Variants in SETD7 observed in about 807,000 individuals in gnomAD.
SETD7 encodes the protein histone-lysine N-methyltransferase SETD7.
In SETD7, 16 loss-of-function variants were observed where a neutral mutation model predicts 41.8. That is an observed-to-expected ratio of 0.38 (90% CI 0.26 to 0.58). The LOEUF (loss-of-function observed/expected upper bound fraction) is 0.58. SETD7 is among the 20% of genes least tolerant of loss of function. SETD7 has a pLI of 0.64. For synonymous variants in SETD7, 163 were observed against 169.7 expected (o/e 0.96, Z 0.31); for missense variants, 346 against 459.7 (o/e 0.75, Z 2.26).
intron 7 of SETD7, among the ~76,000 whole-genome samples, chr4:139,514,688 C>T (rs760819504): frequency 6.6e-6 from 1 of 152,128 alleles, no homozygotes; most frequent in Non-Finnish European, 1.5e-5. Context: ...AGCACCAGCC[C>T]GTAGTGAGTG....
intron 4 of SETD7, among the ~76,000 whole-genome samples, chr4:139,525,853 C>T (rs1263844600): frequency 6.6e-6 from 1 of 152,146 alleles, no homozygotes; most frequent in African/African-American, 2.4e-5. Context: ...GACTAAAGAT[C>T]GGTCTATAGG....
rs1013500589 is a variant in SETD7, at chr4:139,555,864, C to T, written c.40+234G>A. Among the ~76,000 whole-genome samples the T allele has an allele frequency of 1.3e-5, 2 of 152,046 alleles. No homozygotes were observed. The highest frequency in any genetic ancestry group is 2.9e-5 in the Non-Finnish European group (2 of 67,950). On this transcript the variant is annotated intron_variant, in intron 1 of 7. Transcript: ENST00000274031. This position sits in a 1 kb window ranked among gnomAD's most constrained non-coding sequence, Gnocchi z 4.0. ...GCGGGATGGAGCGGCCGTGCGTTTC[C>T]AGCGCCCCCGGCCTGGCGGAGCCCC...
At chr4:139,532,883 A>C (rs1727526092) in intron 3 of SETD7, 1 of 517,044 alleles carries the variant, frequency 1.9e-6, no homozygotes, top group African/African-American at 1.9e-5. Context: ...TGCCTTTATT[A>C]GTGATACAAT....
At chr4:139,503,301 G>C (rs1726625160), downstream of SETD7, among the ~76,000 whole-genome samples, 1 of 151,582 alleles carries the variant, frequency 6.6e-6, no homozygotes, top group African/African-American at 2.4e-5. Context: ...GGGAAAGGAA[G>C]ACACAGGATA....
intron 4 of SETD7, 120 bp from the exon 5 acceptor site, chr4:139,523,555 C>T (rs113409314): frequency 6.5e-6 from 4 of 614,090 alleles, no homozygotes; most frequent in Non-Finnish European, 1.2e-5. Context: ...TCAAGTTATA[C>T]CAACTAGAAT....
In SETD7 at chr4:139,542,068, C is replaced by T. The variant is rs566294318; in HGVS notation, c.170+4852G>A. Among the ~76,000 whole-genome samples the T allele has an allele frequency of 1.2e-4, 19 of 152,212 alleles. No individual in the cohort carries two copies. The East Asian group carries it at 2.7e-3, about 22-fold the overall frequency. On this transcript the variant is annotated intron_variant, in intron 2 of 7. Transcript: ENST00000274031. The stretch of plus-strand genomic sequence containing the variant: ...TATACTATTCAGCATAAAAACAAAA[C>T]GAAATCCTGTCATTTGTGACAATAT...
At chr4:139,515,242 T>C (rs1726995425) in intron 7 of SETD7, among the ~76,000 whole-genome samples, 1 of 151,982 alleles carries the variant, frequency 6.6e-6, no homozygotes, top group African/African-American at 2.4e-5. Context: ...CATAAATTGG[T>C]ATCTGAATTT....
intron 7 of SETD7, among the ~76,000 whole-genome samples, chr4:139,514,571 G>A (rs1234061146): frequency 6.6e-6 from 1 of 152,192 alleles, no homozygotes; most frequent in Non-Finnish European, 1.5e-5. Flanking sequence ...TAACTGCTCT[G>A]CCTTGGAGAC....
chr4:139,531,871 ATCTGAGG>A (rs1727490176), intron 3 of SETD7, among the ~76,000 whole-genome samples: 1 of 152,178 alleles, frequency 6.6e-6, no homozygotes, highest in Non-Finnish European at 1.5e-5. Flanking sequence ...CAAGGAAATC[ATCTGAGG>A]TCGGGAGTTT....
At chr4:139,526,671 T>C (rs1162629231) in intron 4 of SETD7, among the ~76,000 whole-genome samples, 1 of 152,174 alleles carries the variant, frequency 6.6e-6, no homozygotes, top group Non-Finnish European at 1.5e-5. Flanking sequence ...CATTTGGTAA[T>C]GAGGAAACAG....
intron 7 of SETD7, among the ~76,000 whole-genome samples, chr4:139,515,365 C>A (rs1726998262): frequency 6.6e-6 from 1 of 152,180 alleles, no homozygotes; most frequent in African/African-American, 2.4e-5. Context: ...AAATGAAAAC[C>A]TGCAGAGTAC....
At chr4:139,516,465 C>CAAA (rs66848307) in intron 7 of SETD7, among the ~76,000 whole-genome samples, 3 of 93,038 alleles carry the variant, frequency 3.2e-5, no homozygotes, top group African/African-American at 8.8e-5. Flanking sequence ...GACTCTGTCT[C>CAAA]AAAAAAAAAA....
intron 4 of SETD7, 81 bp from the exon 5 acceptor site, chr4:139,523,516 A>G: frequency 1.9e-6 from 2 of 1,044,396 alleles, no homozygotes; most frequent in South Asian, 3.2e-5. Context: ...TCATGGGACA[A>G]CGAAGAGTTA....
At chr4:139,522,537 T>A (rs1727204771) in intron 5 of SETD7, among the ~76,000 whole-genome samples, 1 of 152,146 alleles carries the variant, frequency 6.6e-6, no homozygotes, top group Admixed American at 6.5e-5. Flanking sequence ...TTCACTCTTG[T>A]CTTCTGTTTG....
chr4:139,519,039 C>A (rs188560894), intron 6 of SETD7, among the ~76,000 whole-genome samples: 3 of 152,186 alleles, frequency 2.0e-5, no homozygotes, highest in Non-Finnish European at 4.4e-5. Flanking sequence ...GTTTACTAAG[C>A]GGTACCATGT....
chr4:139,496,190 G>T (rs1241787830), exon 8 of SETD7: 1 of 492,686 alleles, frequency 2.0e-6, no homozygotes, highest in African/African-American at 2.0e-5. Context: ...TCCCCCCTCT[G>T]GTGACTTTAT....
At position 139,525,694 on chromosome 4, in the gene SETD7, G is replaced by A. The variant is rs1340522399; in HGVS notation, c.563-2259C>T. ...GGCGACAGGTCAAGGAGTGTTTTAT[G>A]TGAGATATTTGCATTAATTTCTCTC... On this transcript the variant is annotated intron_variant, in intron 4 of 7. Transcript: ENST00000274031. Among the ~76,000 whole-genome samples, 5 of 152,184 alleles carry A rather than the reference G, an allele frequency of 3.3e-5. No homozygotes were observed. The East Asian group carries it at 9.6e-4, about 29-fold the overall frequency.
At position 139,520,374 on chromosome 4, in the gene SETD7, A is replaced by C; in HGVS notation, c.665T>G (p.Leu222Arg). The C allele has an allele frequency of 6.2e-7, 1 of 1,606,078 alleles. No homozygotes were observed. Among genetic ancestry groups the C allele is most frequent in the Non-Finnish European group, 8.5e-7 (1 of 1,175,492 alleles). The stretch of plus-strand genomic sequence containing the variant: ...AAGTCCTTCTCCAGCACTGGAAATA[A>C]GAGATTCAGCAACATAAACCCTAAA... ...ESERVYVAES[L>R]ISSAGEGLFS... is the part of the protein sequence containing the mutation. Residue 222 changes from leucine (L) to arginine (R), a missense_variant, in exon 6 of 8, where the codon CTT (leucine) becomes CGT (arginine). By Grantham distance (102) the Leu-to-Arg change is moderately radical. This residue lies in a region of SETD7 where 266 missense variants were observed against 377.0 expected (regional missense o/e 0.71). Transcript: ENST00000274031.
chr4:139,550,595 G>T (rs1728084355), intron 1 of SETD7, among the ~76,000 whole-genome samples: 1 of 152,190 alleles, frequency 6.6e-6, no homozygotes, highest in Non-Finnish European at 1.5e-5. Flanking sequence ...AGAAAGAGAA[G>T]AGACTAGGTT....
Sources: allele counts gnomAD v4.1 joint callset (sites outside exome capture counted in the v4.1 genomes callset), GRCh38; gene constraint gnomAD v4.1.1; regional missense constraint gnomAD v4.1.1; non-coding constraint Gnocchi (gnomAD v3.1); transcripts MANE v1.5; gene names NCBI Gene and HGNC (gene_info 2026-07-23, HGNC 2026-07-21).